Variants in HMGCLL1 observed in about 807,000 individuals in gnomAD.
HMGCLL1 encodes 3-hydroxymethyl-3-methylglutaryl-CoA lyase, cytoplasmic.
In HMGCLL1, 36 loss-of-function variants were observed where a neutral mutation model predicts 39.1. The ratio of observed to expected loss-of-function variants is 0.92; its 90% CI spans 0.71 to 1.22. The LOEUF is 1.22. HMGCLL1 is among the 50% of genes most tolerant of loss of function. The pLI is 0.00. For missense variants in HMGCLL1, 451 were observed against 416.5 expected (o/e 1.08, Z -0.72); for synonymous variants, 149 against 144.0 (o/e 1.03, Z -0.25).
intron 3 of HMGCLL1, among the ~76,000 whole-genome samples, chr6:55,530,170 G>A (rs1768579347): frequency 6.6e-6 from 1 of 152,044 alleles, no homozygotes; most frequent in Non-Finnish European, 1.5e-5. Context: ...CATCCATCTT[G>A]ACTGATAATA....
the HMGCLL1 span, among the ~76,000 whole-genome samples, chr6:55,628,942 G>A: frequency 2.0e-5 from 3 of 152,052 alleles, no homozygotes. Flanking sequence ...TCTTTCTTTT[G>A]TAAATTGTTC....
chr6:55,509,747 A>G (rs1767344171), intron 5 of HMGCLL1, among the ~76,000 whole-genome samples: 1 of 151,952 alleles, frequency 6.6e-6, no homozygotes, highest in African/African-American at 2.4e-5. Context: ...AGGATCTTTC[A>G]TCAAAGGAAT....
the HMGCLL1 span, among the ~76,000 whole-genome samples, chr6:55,645,082 T>G: frequency 6.6e-6 from 1 of 152,022 alleles, no homozygotes; most frequent in African/African-American, 2.4e-5. Context: ...TCATCAGTGT[T>G]TCATAGAACA....
chr6:55,589,507 T>C, the HMGCLL1 span, among the ~76,000 whole-genome samples: 11 of 152,162 alleles, frequency 7.2e-5, 1 homozygote, highest in African/African-American at 2.7e-4. Flanking sequence ...AGGGATGCCC[T>C]CTCTCACCAC....
chr6:55,657,636 T>C, the HMGCLL1 span, among the ~76,000 whole-genome samples: 2 of 152,082 alleles, frequency 1.3e-5, no homozygotes, highest in Non-Finnish European at 2.9e-5. Flanking sequence ...CTATTCACAA[T>C]AGCAAAATAT....
At chr6:55,523,523 G>A (rs1038548331) in intron 3 of HMGCLL1, among the ~76,000 whole-genome samples, 3 of 151,852 alleles carry the variant, frequency 2.0e-5, no homozygotes, top group African/African-American at 7.3e-5. Context: ...AATTCCTTAG[G>A]TTGCTATATT....
chr6:55,592,237 C>T, the HMGCLL1 span, among the ~76,000 whole-genome samples: 2 of 151,934 alleles, frequency 1.3e-5, no homozygotes, highest in Non-Finnish European at 2.9e-5. Flanking sequence ...TTTTACCTTT[C>T]TCTCTTTTAA....
the HMGCLL1 span, among the ~76,000 whole-genome samples, chr6:55,596,224 G>C: frequency 6.6e-6 from 1 of 152,172 alleles, no homozygotes; most frequent in Non-Finnish European, 1.5e-5. Context: ...CTACTCGGGA[G>C]GCTGAGGCAG....
the HMGCLL1 span, among the ~76,000 whole-genome samples, chr6:55,586,873 T>C: frequency 6.6e-6 from 1 of 152,102 alleles, no homozygotes; most frequent in African/African-American, 2.4e-5. Context: ...CATGTGTCTT[T>C]ATAGCAGCAT....
At chr6:55,589,855 G>A in the HMGCLL1 span, among the ~76,000 whole-genome samples, 180 of 152,146 alleles carry the variant, frequency 1.2e-3, no homozygotes, top group African/African-American at 4.2e-3. Flanking sequence ...GGGAGGTGAA[G>A]GACCTCTTCA....
chr6:55,477,182 TTTATATATTATATA>T lies in HMGCLL1; in HGVS notation c.795+18223_795+18236del, dbSNP rs1561904042. Reference sequence around the variant, plus strand: ...ATATTATAATATAATATATATTATATTTATATATTATATATTATATAATATATATTATATTATAA... The same window carrying T: ...ATATTATAATATAATATATATTATATTTATATAATATATATTATATTATAA... On this transcript the variant is annotated intron_variant, in intron 7 of 8. Coordinates refer to ENST00000274901, the MANE Select transcript of HMGCLL1 (RefSeq NM_001042406.2). Among the ~76,000 whole-genome samples, 53 of 23,288 alleles carry T rather than the reference TTTATATATTATATA, an allele frequency of 2.3e-3. 9 individuals are homozygous for T. Among genetic ancestry groups the T allele is most frequent in the Admixed American group, 3.0e-3 (4 of 1,330 alleles). 15.3% of individuals were successfully genotyped at this position (23,288 alleles called of 152,430 possible).
chr6:55,436,774 C>T lies in HMGCLL1; in HGVS notation c.922-1011G>A, dbSNP rs575315708. On this transcript the variant is annotated intron_variant, in intron 8 of 8. Transcript: ENST00000274901. The stretch of plus-strand genomic sequence containing the variant: ...ATCATTTTAGAAATTGGAGACATTT[C>T]GATATAGCTAATTACTTATCTCTTT... 2.3e-4 allele frequency among the ~76,000 whole-genome samples: 35 copies of T among 151,972 alleles called. No homozygotes were observed. The East Asian group carries it at 6.4e-3, about 28-fold the overall frequency.
chr6:55,629,932 C>T, the HMGCLL1 span, among the ~76,000 whole-genome samples: 1 of 152,140 alleles, frequency 6.6e-6, no homozygotes, highest in Admixed American at 6.6e-5. Flanking sequence ...AGGAGTGGGG[C>T]TCTCATGGAG....
rs186641999 is a variant in HMGCLL1 at position 55,567,812 on chromosome 6, C to T, written c.108+11136G>A. Reference sequence around the variant, plus strand: ...GTGATACTTACAGCCCTGCTAGCGTCGGAGTGCCAGAACCCAGCTCTTCTG... The same window carrying T: ...GTGATACTTACAGCCCTGCTAGCGTTGGAGTGCCAGAACCCAGCTCTTCTG... On this transcript the variant is annotated intron_variant, in intron 1 of 8. Transcript: ENST00000274901. 7.6e-4 allele frequency among the ~76,000 whole-genome samples: 116 copies of T among 152,212 alleles called. 3 individuals carry two copies. Among genetic ancestry groups the T allele is most frequent in the Middle Eastern group, 3.4e-3 (1 of 294 alleles).
At chr6:55,593,099 C>G in the HMGCLL1 span, among the ~76,000 whole-genome samples, 506 of 152,134 alleles carry the variant, frequency 3.3e-3, 4 homozygotes, top group African/African-American at 0.01. Flanking sequence ...CCTTATTCCC[C>G]TCATCCTGTT....
intron 3 of HMGCLL1, among the ~76,000 whole-genome samples, chr6:55,532,630 G>A (rs1412168426): frequency 3.3e-5 from 5 of 151,752 alleles, no homozygotes; most frequent in East Asian, 2.0e-4. Flanking sequence ...GTGAAACCTC[G>A]TCTGTACTAA....
the HMGCLL1 span, among the ~76,000 whole-genome samples, chr6:55,627,049 G>A: frequency 1.0e-3 from 87 of 85,772 alleles, no homozygotes; most frequent in South Asian, 2.1e-3. Context: ...CACTCCACCA[G>A]AAAAAAAAAA....
At chr6:55,642,550 A>G in the HMGCLL1 span, among the ~76,000 whole-genome samples, 3 of 152,130 alleles carry the variant, frequency 2.0e-5, no homozygotes, top group Non-Finnish European at 2.9e-5. Flanking sequence ...TAATCACATC[A>G]TGGGAAATTG....
the HMGCLL1 span, among the ~76,000 whole-genome samples, chr6:55,617,700 A>G: frequency 6.6e-6 from 1 of 152,110 alleles, no homozygotes; most frequent in Non-Finnish European, 1.5e-5. Context: ...TGGTACCACC[A>G]CTTTGGAAAG....
Sources: gnomAD v4.1 joint callset for allele counts (sites outside exome capture counted in the v4.1 genomes callset) on GRCh38, gnomAD v4.1.1 for gene constraint, MANE v1.5 for transcripts, NCBI Gene and HGNC (gene_info 2026-07-23, HGNC 2026-07-21) for gene names.